The following CPSF6 variants were observed in gnomAD, a reference collection of about 807,000 sequenced individuals.
CPSF6 encodes the protein cleavage and polyadenylation specific factor 6.
A neutral mutation model predicts 56.7 loss-of-function variants in CPSF6; 10 were observed. The observed-to-expected ratio is 0.18, with a 90% confidence interval of 0.11 to 0.30. The LOEUF is 0.30. CPSF6 is among the 10% of genes least tolerant of loss of function. The probability of loss-of-function intolerance (pLI) is 1.00; values close to 1 mark genes in which losing one functional copy is unlikely to be tolerated. For synonymous variants in CPSF6, 248 were observed against 244.8 expected (o/e 1.01, Z -0.12); for missense variants, 419 against 722.9 (o/e 0.58, Z 4.82).
chr12:69,254,507 C>G (rs1872412777), intron 3 of CPSF6, among the ~76,000 whole-genome samples: 1 of 152,154 alleles, frequency 6.6e-6, no homozygotes, highest in Admixed American at 6.6e-5. Flanking sequence ...ATCCTGTTTC[C>G]TTTATTTCTG....
In CPSF6 at chr12:69,262,453, A is replaced by C. The variant is rs1872784714; in HGVS notation, c.1550A>C (p.His517Pro). 6.2e-7 allele frequency: 1 copy of C among 1,613,998 alleles called. No individual in the cohort carries two copies. The highest frequency in any genetic ancestry group is 8.5e-7 in the Non-Finnish European group (1 of 1,179,966). ...CATAAATCCCGTAGTAGAGACCGTC[A>C]TGACGATTATTACAGAGAGAGAAGC... is the stretch of plus-strand genomic sequence containing the variant. ...RRHKSRSRDR[H>P]DDYYRERSRE... The change falls in exon 9 of 10, where the codon CAT becomes CCT. Residue 517 changes from histidine to proline, a missense_variant. Physicochemically the swap from His to Pro is moderately conservative, Grantham distance 77 (BLOSUM62 -2). Coordinates refer to ENST00000435070, the MANE Select transcript of CPSF6 (RefSeq NM_007007.3).
At position 69,273,002 on chromosome 12, in the gene CPSF6, A is replaced by G. The variant is rs1873322031; in HGVS notation, c.*3494A>G. On this transcript the variant is annotated 3_prime_UTR_variant, in exon 10 of 10. Coordinates refer to ENST00000435070, the MANE Select transcript of CPSF6 (RefSeq NM_007007.3). The stretch of plus-strand genomic sequence containing the variant: ...GACTGATTTTTTCAATAAATATTCA[A>G]CCAAAAATTATAAATTTATTAAGAT... 3 of 253,526 alleles carry G rather than the reference A, an allele frequency of 1.2e-5. No homozygotes were observed. Among genetic ancestry groups the G allele is most frequent in the Non-Finnish European group, 1.7e-5 (2 of 121,136 alleles). 15.7% of individuals were successfully genotyped at this position (253,526 alleles called of 1,614,324 possible). A position where few individuals can be genotyped will look rare whatever the true frequency, so the allele number is the denominator to read the frequency against.
rs1275749177 is a variant in CPSF6, at chr12:69,253,240, AC to A, written c.374+87del. The A allele has an allele frequency of 3.2e-5, 19 of 593,304 alleles. No individual in the cohort carries two copies. In the African/African-American group the frequency reaches 3.3e-4, roughly 10 times the overall value. 36.8% of individuals were successfully genotyped at this position (593,304 alleles called of 1,614,324 possible). A position where few individuals can be genotyped will look rare whatever the true frequency, so the allele number is the denominator to read the frequency against. On this transcript the variant is annotated intron_variant, in intron 3 of 9. Transcript: ENST00000435070. ...ACTTTCCTTTAAGTTAATGTTAATT[AC>A]ACATGTATACACATGTATACAAACA...
chr12:69,258,555 TG>T lies in CPSF6; in HGVS notation c.695-34del. 3 of 995,024 alleles carry T rather than the reference TG, an allele frequency of 3.0e-6. No homozygotes were observed. The highest frequency in any genetic ancestry group is 4.2e-6 in the Non-Finnish European group (3 of 708,106). The allele number at this position is 995,024 out of a possible 1,614,324, so 61.6% of individuals were successfully genotyped here. ...AAGTTAAAATATCTTATTAGTGAAG[TG>T]TTTTTTTTTCTCTCTTTCTCCTTTG... is the stretch of plus-strand genomic sequence containing the variant. On this transcript the variant is annotated intron_variant, in intron 5 of 9. Coordinates refer to ENST00000435070, the MANE Select transcript of CPSF6 (RefSeq NM_007007.3). This position sits in a 1 kb window ranked among gnomAD's most constrained non-coding sequence, Gnocchi z 4.2.
chr12:69,262,704 C>A, intron 9 of CPSF6, 142 bp downstream of exon 9: 1 of 1,077,110 alleles, frequency 9.3e-7, no homozygotes, highest in Non-Finnish European at 1.2e-6. Flanking sequence ...ACATCTGAAA[C>A]AAATTATAGG....
chr12:69,270,597 G>A lies in CPSF6; in HGVS notation c.*1089G>A, dbSNP rs955972317. 4 of 151,636 alleles carry A rather than the reference G, an allele frequency of 2.6e-5. No individual in the cohort carries two copies. Among genetic ancestry groups the A allele is most frequent in the Admixed American group, 1.3e-4 (2 of 15,228 alleles). 9.4% of individuals were successfully genotyped at this position (151,636 alleles called of 1,614,324 possible). A position where few individuals can be genotyped will look rare whatever the true frequency, so the allele number is the denominator to read the frequency against. On this transcript the variant is annotated 3_prime_UTR_variant, in exon 10 of 10. Transcript: ENST00000435070. ...AAGGATGTGATGTTCATTAACATTC[G>A]GTTGTATTCCCCAGTATTTGTAATG... is the stretch of plus-strand genomic sequence containing the variant.
Position 69,239,681 on chromosome 12 carries a change from C to G in CPSF6, c.35C>G (p.Ala12Gly). Residue 12 changes from alanine (A) to glycine (G), a missense_variant, in exon 1 of 10, where the codon GCG becomes GGG. Ala to Gly is a moderately conservative substitution (Grantham distance 60, BLOSUM62 0). This residue lies in a region of CPSF6 where 125 missense variants were observed against 216.4 expected (regional missense o/e 0.58). Transcript: ENST00000435070. ...GGCGTGGACCACATAGACATTTACG[C>G]GGATGTCGGCGAAGAGTTCAACCAG... ...ADGVDHIDIY[A>G]DVGEEFNQEA... is the part of the protein sequence containing the mutation. 1 of 1,591,690 alleles carries G rather than the reference C, an allele frequency of 6.3e-7. No homozygotes were observed. Among genetic ancestry groups the G allele is most frequent in the Non-Finnish European group, 8.5e-7 (1 of 1,170,012 alleles).
chr12:69,245,531 G>A (rs1469222954), intron 1 of CPSF6, among the ~76,000 whole-genome samples: 1 of 152,100 alleles, frequency 6.6e-6, no homozygotes, highest in Non-Finnish European at 1.5e-5. Context: ...AGATAAGAGG[G>A]GACTACTATA....
intron 1 of CPSF6, among the ~76,000 whole-genome samples, chr12:69,240,574 G>A (rs1408509083): frequency 1.3e-5 from 2 of 152,090 alleles, no homozygotes; most frequent in African/African-American, 2.4e-5. Context: ...CTCACCCACA[G>A]ATCTCATAGT....
At chr12:69,250,590 C>CAAA (rs61337613) in intron 1 of CPSF6, among the ~76,000 whole-genome samples, 1 of 48,842 alleles carries the variant, frequency 2.0e-5, no homozygotes, top group Admixed American at 2.4e-4. Flanking sequence ...CTGGTCTCTA[C>CAAA]AAAAAAAAAA....
chr12:69,271,464 A>G lies in CPSF6; in HGVS notation c.*1956A>G, dbSNP rs1873237700. The G allele has an allele frequency of 6.6e-6, 1 of 151,820 alleles. No individual in the cohort carries two copies. The highest frequency in any genetic ancestry group is 1.5e-5 in the Non-Finnish European group (1 of 67,700). The allele number at this position is 151,820 out of a possible 1,614,324, so 9.4% of individuals were successfully genotyped here. On this transcript the variant is annotated 3_prime_UTR_variant, in exon 10 of 10. Transcript: ENST00000435070. ...TGAACAGTTTAAAAATGGAATCACA[A>G]AAATCTAACTGCACTTGAAATGAAA...
chr12:69,244,443 C>T (rs1046406342), intron 1 of CPSF6, among the ~76,000 whole-genome samples: 2 of 152,058 alleles, frequency 1.3e-5, no homozygotes, highest in African/African-American at 2.4e-5. Flanking sequence ...AGGCTGGTCT[C>T]GAACTCGTGA....
At chr12:69,269,218 T>A (rs1186668896) in intron 9 of CPSF6, among the ~76,000 whole-genome samples, 1 of 151,846 alleles carries the variant, frequency 6.6e-6, no homozygotes, top group African/African-American at 2.4e-5. Context: ...TATGAATGTT[T>A]CCATCATCAC....
intron 9 of CPSF6, among the ~76,000 whole-genome samples, chr12:69,263,814 T>C (rs550518979): frequency 6.6e-6 from 1 of 152,202 alleles, no homozygotes; most frequent in African/African-American, 2.4e-5. Context: ...GCTCCTACAC[T>C]ATTTACAATT....
rs1475697463 is a variant in CPSF6, at chr12:69,272,440, C to CA, written c.*2935dup. 1 of 151,556 alleles carries CA rather than the reference C, an allele frequency of 6.6e-6. No homozygotes were observed. The highest frequency in any genetic ancestry group is 1.5e-5 in the Non-Finnish European group (1 of 67,590). The allele number at this position is 151,556 out of a possible 1,614,324, so 9.4% of individuals were successfully genotyped here. Reference sequence around the variant, plus strand: ...TAGTGAAGGAAAATTGTGGAAAGGGCAAAGACTTTCTCTTTCCCTTATGTA... The same window carrying CA: ...TAGTGAAGGAAAATTGTGGAAAGGGCAAAAGACTTTCTCTTTCCCTTATGTA... On this transcript the variant is annotated 3_prime_UTR_variant, in exon 10 of 10. Coordinates refer to ENST00000435070, the MANE Select transcript of CPSF6 (RefSeq NM_007007.3).
chr12:69,250,335 G>C (rs1872167639), intron 1 of CPSF6, among the ~76,000 whole-genome samples: 1 of 151,824 alleles, frequency 6.6e-6, no homozygotes, highest in African/African-American at 2.4e-5. Flanking sequence ...TTGCATTTGT[G>C]TGTTATTACT....
Position 69,258,289 on chromosome 12 carries a change from G to C in CPSF6, c.695-301G>C. On this transcript the variant is annotated intron_variant, in intron 5 of 9. Coordinates refer to ENST00000435070, the MANE Select transcript of CPSF6 (RefSeq NM_007007.3). The surrounding 1 kb of genome is among the most constrained non-coding windows in gnomAD (Gnocchi z 4.2). ...TGGCATCAGAGTAGAATATAAGGTG[G>C]GTGATTTCACTGTAAGAAGTGTGTG... is the stretch of plus-strand genomic sequence containing the variant. The C allele has an allele frequency of 3.3e-6, 2 of 610,724 alleles. No homozygotes were observed. Among genetic ancestry groups the C allele is most frequent in the Non-Finnish European group, 5.6e-6 (2 of 357,032 alleles). 37.8% of individuals were successfully genotyped at this position (610,724 alleles called of 1,614,324 possible).
chr12:69,248,968 C>T (rs544450198), intron 1 of CPSF6, among the ~76,000 whole-genome samples: 118 of 151,808 alleles, frequency 7.8e-4, no homozygotes, highest in African/African-American at 2.6e-3. Context: ...TATTCTCGGC[C>T]GGGTGTGGTG....
intron 9 of CPSF6, among the ~76,000 whole-genome samples, chr12:69,265,994 G>A (rs1412033081): frequency 6.8e-6 from 1 of 147,148 alleles, no homozygotes; most frequent in African/African-American, 2.5e-5. Flanking sequence ...GCTTTGCATT[G>A]TGTATTCAGC....
Sources: gnomAD v4.1 joint callset for allele counts (sites outside exome capture counted in the v4.1 genomes callset) on GRCh38, gnomAD v4.1.1 for gene constraint, gnomAD v4.1.1 regional missense constraint, Gnocchi (gnomAD v3.1) non-coding constraint, MANE v1.5 for transcripts, NCBI Gene and HGNC (gene_info 2026-07-23, HGNC 2026-07-21) for gene names.